Variants in GMDS observed in about 807,000 individuals in gnomAD.
The protein encoded by GMDS is GDP-mannose 4,6 dehydratase.
In GMDS, 20 loss-of-function variants were observed where a neutral mutation model predicts 49.9. That is an observed-to-expected ratio of 0.40 (90% confidence interval 0.28 to 0.58). GMDS has a LOEUF of 0.58. Among genes scored for constraint, GMDS ranks in the 20% least tolerant of loss-of-function variants. The pLI is 0.42. For missense variants in GMDS, 362 were observed against 481.4 expected (o/e 0.75, Z 2.32); for synonymous variants, 177 against 178.6 (o/e 0.99, Z 0.07).
chr6:1,748,305 TATCTC>T (rs1767594327), intron 7 of GMDS, among the ~76,000 whole-genome samples: 1 of 152,170 alleles, frequency 6.6e-6, no homozygotes, highest in South Asian at 2.1e-4. Flanking sequence ...GAATATATCT[TATCTC>T]TTCTATTCAA....
chr6:1,928,860 G>A (rs978814852), intron 7 of GMDS, among the ~76,000 whole-genome samples: 26 of 151,700 alleles, frequency 1.7e-4, no homozygotes, highest in African/African-American at 6.1e-4. Flanking sequence ...TCCCACCTAC[G>A]CAGGAGGCTG....
intron 7 of GMDS, among the ~76,000 whole-genome samples, chr6:1,775,143 A>G (rs1768744182): frequency 6.6e-6 from 1 of 152,198 alleles, no homozygotes; most frequent in African/African-American, 2.4e-5. Flanking sequence ...GAAGAGATGG[A>G]GAATTATGCT....
intron 1 of GMDS, among the ~76,000 whole-genome samples, chr6:2,230,435 T>C (rs753013113): frequency 8.5e-5 from 13 of 152,224 alleles, no homozygotes; most frequent in Admixed American, 3.3e-4. Context: ...AGCGATGTCC[T>C]ATATAGAGAA....
intron 7 of GMDS, among the ~76,000 whole-genome samples, chr6:1,852,785 C>A (rs1757744873): frequency 1.3e-5 from 2 of 151,696 alleles, no homozygotes; most frequent in Non-Finnish European, 2.9e-5. Flanking sequence ...CGGCGCGATG[C>A]AACCTCTGCC....
intron 4 of GMDS, among the ~76,000 whole-genome samples, chr6:2,072,927 C>A (rs933094494): frequency 6.6e-6 from 1 of 152,142 alleles, no homozygotes; most frequent in Admixed American, 6.5e-5. Context: ...AGTGTGTGAC[C>A]TTTCTCTGTC....
intron 7 of GMDS, among the ~76,000 whole-genome samples, chr6:1,754,878 TCAAAATAATAA>T (rs750152228): frequency 5.9e-5 from 9 of 152,136 alleles, no homozygotes; most frequent in Non-Finnish European, 8.8e-5. Context: ...TGAACGTATC[TCAAAATAATAA>T]CAAAATAATA....
intron 4 of GMDS, among the ~76,000 whole-genome samples, chr6:2,011,381 A>G (rs558097029): frequency 1.1e-3 from 174 of 152,222 alleles, no homozygotes; most frequent in Admixed American, 1.9e-3. Flanking sequence ...TATGAAAAAC[A>G]GTATAGAGAT....
intron 7 of GMDS, among the ~76,000 whole-genome samples, chr6:1,868,705 A>G (rs1758566414): frequency 6.6e-6 from 1 of 151,466 alleles, no homozygotes; most frequent in South Asian, 2.1e-4. Context: ...GTCCCAGTAT[A>G]ATGTGCTGCA....
chr6:2,149,726 C>T (rs1484263595), intron 1 of GMDS, among the ~76,000 whole-genome samples: 1 of 152,210 alleles, frequency 6.6e-6, no homozygotes, highest in African/African-American at 2.4e-5. Flanking sequence ...TGTATTTCTA[C>T]AACACGCCTC....
rs192128131 is a variant in GMDS at position 2,083,243 on chromosome 6, T to C, written c.345+32528A>G. ...CGAGCACTTAGTAAACGCTAGTATC[T>C]TCCTTAATCATACTTCCTGCACTTT... On this transcript the variant is annotated intron_variant, in intron 4 of 10. Transcript: ENST00000380815. Among the ~76,000 whole-genome samples the C allele has an allele frequency of 5.8e-4, 89 of 152,302 alleles. 1 individual carries two copies. The highest frequency in any genetic ancestry group is 2.1e-3 in the African/African-American group (86 of 41,570).
intron 4 of GMDS, among the ~76,000 whole-genome samples, chr6:2,113,655 T>C (rs537907833): frequency 2.9e-4 from 44 of 152,168 alleles, no homozygotes; most frequent in African/African-American, 9.4e-4. Flanking sequence ...CGCCTCGCAC[T>C]ATCCATCTAC....
At chr6:1,733,852 T>TA (rs61455182) in intron 8 of GMDS, among the ~76,000 whole-genome samples, 1 of 146,084 alleles carries the variant, frequency 6.8e-6, no homozygotes, top group Non-Finnish European at 1.5e-5. Context: ...ACTCTTGTCT[T>TA]AAAAAAAAAA....
intron 1 of GMDS, among the ~76,000 whole-genome samples, chr6:2,150,642 A>T (rs1776796990): frequency 6.6e-6 from 1 of 152,192 alleles, no homozygotes; most frequent in Non-Finnish European, 1.5e-5. Flanking sequence ...TTCCACCTAT[A>T]AGAAGCAATT....
intron 7 of GMDS, among the ~76,000 whole-genome samples, chr6:1,861,217 ACTG>A (rs1758167549): frequency 6.6e-6 from 1 of 152,206 alleles, no homozygotes; most frequent in Non-Finnish European, 1.5e-5. Context: ...CAGGAAGCCG[ACTG>A]ACATCTCTAA....
At chr6:2,192,782 C>T (rs1427721678) in intron 1 of GMDS, among the ~76,000 whole-genome samples, 8 of 152,166 alleles carry the variant, frequency 5.3e-5, no homozygotes. Flanking sequence ...CTTGCCAGTC[C>T]ACGCCTGACT....
At chr6:2,003,592 T>C (rs1463945252) in intron 4 of GMDS, among the ~76,000 whole-genome samples, 1 of 152,172 alleles carries the variant, frequency 6.6e-6, no homozygotes, top group Non-Finnish European at 1.5e-5. Flanking sequence ...TTGCTACGAC[T>C]GAAGAGCTGC....
intron 4 of GMDS, among the ~76,000 whole-genome samples, chr6:2,093,943 T>C (rs1202351540): frequency 6.6e-6 from 1 of 152,210 alleles, no homozygotes; most frequent in Non-Finnish European, 1.5e-5. Flanking sequence ...GAGACAGATT[T>C]CTCAAGAAAC....
chr6:2,228,133 T>C (rs1008940899), intron 1 of GMDS, among the ~76,000 whole-genome samples: 3 of 152,204 alleles, frequency 2.0e-5, no homozygotes, highest in Admixed American at 2.0e-4. Context: ...CAGGCACCTA[T>C]CTGAGTGTGC....
chr6:1,700,495 C>G (rs923810909), intron 9 of GMDS, among the ~76,000 whole-genome samples: 3 of 152,198 alleles, frequency 2.0e-5, no homozygotes, highest in African/African-American at 7.2e-5. Flanking sequence ...TCATTAGTTT[C>G]TCCCCTGGGA....
Sources: gnomAD v4.1 joint callset for allele counts (sites outside exome capture counted in the v4.1 genomes callset) on GRCh38, gnomAD v4.1.1 for gene constraint, MANE v1.5 for transcripts, NCBI Gene and HGNC (gene_info 2026-07-23, HGNC 2026-07-21) for gene names.